Variants in WWC2 observed in about 807,000 individuals in gnomAD.
WWC2 encodes protein WWC2.
In WWC2, 101 loss-of-function variants were observed where a neutral mutation model predicts 138.5. The observed-to-expected ratio is 0.73, with a 90% CI of 0.62 to 0.86. The LOEUF (loss-of-function observed/expected upper bound fraction) is 0.86. Among genes scored for constraint, WWC2 ranks in the 40% least tolerant of loss-of-function variants. The probability of loss-of-function intolerance (pLI) is 0.00; values close to 1 mark genes in which losing one functional copy is unlikely to be tolerated. For synonymous variants in WWC2, 558 were observed against 538.4 expected (o/e 1.04, Z -0.50); for missense variants, 1,420 against 1,419.4 (o/e 1.00, Z -0.01).
At chr4:183,297,123 C>T (rs192557870) in intron 21 of WWC2, among the ~76,000 whole-genome samples, 2 of 137,572 alleles carry the variant, frequency 1.5e-5, no homozygotes, top group Admixed American at 1.4e-4. Context: ...CACAGGCAGA[C>T]ACCACCACAC....
intron 2 of WWC2, among the ~76,000 whole-genome samples, chr4:183,195,861 C>T (rs963709185): frequency 2.0e-5 from 3 of 152,202 alleles, no homozygotes; most frequent in East Asian, 1.9e-4. Context: ...CGAGACCCCA[C>T]GATGTAGTTT....
chr4:183,116,945 A>G (rs1200837471), intron 1 of WWC2, among the ~76,000 whole-genome samples: 1 of 152,094 alleles, frequency 6.6e-6, no homozygotes, highest in East Asian at 1.9e-4. Context: ...GCCTTGTTCC[A>G]GTGTTTTCAG....
intron 21 of WWC2, among the ~76,000 whole-genome samples, chr4:183,303,707 C>G (rs962985242): frequency 2.0e-5 from 3 of 152,062 alleles, no homozygotes; most frequent in Admixed American, 6.5e-5. Flanking sequence ...ATCAGGGAAG[C>G]TTTATTCAGT....
rs575735753 is a variant in WWC2 at position 183,252,926 on chromosome 4, G to A, written c.954-831G>A. Among the ~76,000 whole-genome samples, 11 of 152,308 alleles carry A rather than the reference G, an allele frequency of 7.2e-5. No individual in the cohort carries two copies. The East Asian group carries it at 2.1e-3, about 29-fold the overall frequency. On this transcript the variant is annotated intron_variant, in intron 8 of 22. Transcript: ENST00000403733. ...GCTCTGTCACCCAGGCAGGAGTGCA[G>A]TGGCGCAGTTATGGCTCACTGTGGC... is the stretch of plus-strand genomic sequence containing the variant.
intron 1 of WWC2, among the ~76,000 whole-genome samples, chr4:183,150,889 T>C (rs940382162): frequency 1.3e-5 from 2 of 152,220 alleles, no homozygotes; most frequent in African/African-American, 4.8e-5. Flanking sequence ...TATGGCTGTA[T>C]AGTATTCCAT....
At chr4:183,173,322 G>A (rs969462992) in intron 1 of WWC2, among the ~76,000 whole-genome samples, 11 of 152,230 alleles carry the variant, frequency 7.2e-5, no homozygotes, top group Non-Finnish European at 1.0e-4. Context: ...AAAGTGTTGG[G>A]ATTGCACGTG....
intron 2 of WWC2, among the ~76,000 whole-genome samples, chr4:183,197,638 C>T (rs141852199): frequency 1.2e-4 from 18 of 150,012 alleles, no homozygotes; most frequent in Non-Finnish European, 2.4e-4. Flanking sequence ...TTGCAGCTAA[C>T]TAGAAGGTAA....
rs749111838 is a variant in WWC2 at position 183,253,923 on chromosome 4, C to T, written c.1120C>T (p.Leu374=). 19 of 1,613,754 alleles carry T rather than the reference C, an allele frequency of 1.2e-5. No individual in the cohort carries two copies. In the South Asian group the frequency reaches 2.0e-4, roughly 17 times the overall value. ...ACGTACCCAAGATGAATTAGAACGCCTAGAAGCTGAAAGGCAGCGGCTGGA... is the reference window on the plus strand; with the variant it reads ...ACGTACCCAAGATGAATTAGAACGCTTAGAAGCTGAAAGGCAGCGGCTGGA... The part of the protein sequence containing the change: ...QKRTQDELER[L]EAERQRLEEE... Residue 374 remains leucine (L), a synonymous_variant, in exon 9 of 23, where the codon CTA becomes TTA. Transcript: ENST00000403733.
Position 183,289,600 on chromosome 4 carries a change from A to G in WWC2, c.3349A>G (p.Arg1117Gly). 6.2e-7 allele frequency: 1 copy of G among 1,613,718 alleles called. No individual in the cohort carries two copies. Among genetic ancestry groups the G allele is most frequent in the Non-Finnish European group, 8.5e-7 (1 of 1,179,844 alleles). The change falls in exon 21 of 23, where the codon AGG becomes GGG. Residue 1117 changes from arginine to glycine, a missense_variant. Transcript: ENST00000403733. ...DLPPGVLEDE[R>G]FQRLLKQAEK... ...TCCACCAGGCGTGCTGGAGGATGAGAGGTTCCAGAGGCTTCTGAAGCAAGC... is the reference window on the plus strand; with the variant it reads ...TCCACCAGGCGTGCTGGAGGATGAGGGGTTCCAGAGGCTTCTGAAGCAAGC...
chr4:183,311,600 G>A (rs1739244930), intron 21 of WWC2, among the ~76,000 whole-genome samples: 2 of 128,890 alleles, frequency 1.6e-5, no homozygotes, highest in African/African-American at 2.9e-5. Context: ...TTTTTTTTGA[G>A]ACGGAGTCTC....
At chr4:183,150,483 T>C (rs2111115177) in intron 1 of WWC2, among the ~76,000 whole-genome samples, 1 of 152,292 alleles carries the variant, frequency 6.6e-6, no homozygotes. Flanking sequence ...AGTTTTACAT[T>C]GTACGTTGAT....
chr4:183,240,319 CA>C, intron 5 of WWC2, 57 bp downstream of exon 5: 2 of 1,349,472 alleles, frequency 1.5e-6, no homozygotes, highest in Non-Finnish European at 2.0e-6. Flanking sequence ...AGTATGAATA[CA>C]AAGAAAATAG....
intron 11 of WWC2, among the ~76,000 whole-genome samples, chr4:183,261,952 T>G (rs1318395158): frequency 6.6e-6 from 1 of 152,198 alleles, no homozygotes; most frequent in African/African-American, 2.4e-5. Flanking sequence ...AGTGTTTAGA[T>G]TGTTCAGGGA....
At chr4:183,192,521 G>A (rs935111863) in intron 1 of WWC2, among the ~76,000 whole-genome samples, 1 of 152,152 alleles carries the variant, frequency 6.6e-6, no homozygotes, top group Admixed American at 6.5e-5. Context: ...TGTCCTTGGA[G>A]GACTATTGCA....
intron 9 of WWC2, 29 bp downstream of exon 9, chr4:183,254,028 C>T: frequency 6.2e-7 from 1 of 1,605,130 alleles, no homozygotes; most frequent in Non-Finnish European, 8.5e-7. Context: ...AATAGGGCAG[C>T]TTAACTCTTG....
At chr4:183,284,474 C>T in intron 19 of WWC2, 84 bp downstream of exon 19, 1 of 1,500,436 alleles carries the variant, frequency 6.7e-7, no homozygotes, top group South Asian at 1.2e-5. Context: ...GGACAAGAGA[C>T]TGTGCACTGG....
chr4:183,126,840 T>G (rs1732771072), intron 1 of WWC2, among the ~76,000 whole-genome samples: 1 of 151,852 alleles, frequency 6.6e-6, no homozygotes, highest in South Asian at 2.1e-4. Context: ...GTGATCTTTC[T>G]GCCTCAGCCT....
chr4:183,205,863 C>A (rs563588611), intron 2 of WWC2, among the ~76,000 whole-genome samples: 1 of 152,250 alleles, frequency 6.6e-6, no homozygotes, highest in East Asian at 1.9e-4. Context: ...ATTTATCTGC[C>A]TATAGCGTCC....
At chr4:183,260,825 T>G (rs181999684) in intron 10 of WWC2, 85 bp from the exon 11 acceptor site, 1 of 1,504,848 alleles carries the variant, frequency 6.6e-7, no homozygotes, top group South Asian at 1.3e-5. Flanking sequence ...TTCTTCCCTC[T>G]GCAGATCTGA....
Sources: allele counts gnomAD v4.1 joint callset (sites outside exome capture counted in the v4.1 genomes callset), GRCh38; gene constraint gnomAD v4.1.1; transcripts MANE v1.5; gene names NCBI Gene and HGNC (gene_info 2026-07-23, HGNC 2026-07-21).